The following SACS variants were observed in gnomAD, a reference collection of about 807,000 sequenced individuals.
The protein encoded by SACS is sacsin.
SACS carries 197 observed loss-of-function variants against 348.0 expected under a neutral mutation model. That is an observed-to-expected ratio of 0.57 (90% CI 0.50 to 0.64). The LOEUF (loss-of-function observed/expected upper bound fraction) is 0.64. Among genes scored for constraint, SACS ranks in the 30% least tolerant of loss-of-function variants. The probability of loss-of-function intolerance (pLI) is 0.00; values close to 1 mark genes in which losing one functional copy is unlikely to be tolerated. For missense variants in SACS, 4,999 were observed against 5,360.8 expected, an observed-to-expected ratio of 0.93 and a Z score of 2.11; for synonymous variants, 1,985 against 1,910.6, an observed-to-expected ratio of 1.04 and a Z score of -1.02.
In SACS at chr13:23,335,970, G is replaced by T; in HGVS notation, c.7906C>A (p.Pro2636Thr). The change falls in exon 10 of 10, where the codon CCA becomes ACA. Residue 2636 changes from proline (P) to threonine (T), a missense_variant. Coordinates refer to ENST00000382292, the MANE Select transcript of SACS (RefSeq NM_014363.6). This position sits in a 1 kb window ranked among gnomAD's most constrained non-coding sequence, Gnocchi z 4.7. ...FNSVYHITDC[P>T]SFISGNDILC... is the part of the protein sequence containing the mutation. ...ATGTCATTGCCAGAAATAAAAGATGGGCAGTCTGTGATATGATACACAGAA... is the reference window on the plus strand; with the variant it reads ...ATGTCATTGCCAGAAATAAAAGATGTGCAGTCTGTGATATGATACACAGAA... 6.2e-7 allele frequency: 1 copy of T among 1,612,630 alleles called. No homozygotes were observed. Among genetic ancestry groups the T allele is most frequent in the South Asian group, 1.1e-5 (1 of 91,050 alleles).
At chr13:23,395,230 A>G (rs180916600) in intron 2 of SACS, among the ~76,000 whole-genome samples, 8 of 152,114 alleles carry the variant, frequency 5.3e-5, no homozygotes, top group Admixed American at 4.6e-4. Flanking sequence ...CTTGCAAAGT[A>G]CCATTAGTTA....
intron 2 of SACS, among the ~76,000 whole-genome samples, chr13:23,402,601 C>T (rs1305511565): frequency 6.6e-6 from 1 of 152,170 alleles, no homozygotes; most frequent in Non-Finnish European, 1.5e-5. Flanking sequence ...ACTGGAATGT[C>T]ATATTTGAGA....
chr13:23,356,392 TAAG>T (rs1254754268), intron 7 of SACS, among the ~76,000 whole-genome samples: 1 of 152,192 alleles, frequency 6.6e-6, no homozygotes, highest in East Asian at 1.9e-4. Flanking sequence ...ATAGACTCTG[TAAG>T]AAGAGACAGA....
rs7992082 is a variant in SACS at position 23,395,860 on chromosome 13, C to A, written c.20+15360G>T. Among the ~76,000 whole-genome samples, 1,405 of 152,054 alleles carry A rather than the reference C, an allele frequency of 9.2e-3. 14 individuals are homozygous for A. The highest frequency in any genetic ancestry group is 0.032 in the African/African-American group (1,325 of 41,502). ...TTACCTGACATGTAGCTACAATATT[C>A]GAATGAAAGCTACAAGGTCTCTATT... On this transcript the variant is annotated intron_variant, in intron 2 of 9. Coordinates refer to ENST00000382292, the MANE Select transcript of SACS (RefSeq NM_014363.6).
chr13:23,409,870 AAGAC>A (rs1873412296), intron 2 of SACS, among the ~76,000 whole-genome samples: 2 of 152,198 alleles, frequency 1.3e-5, no homozygotes, highest in South Asian at 4.1e-4. Context: ...TTTGAATACA[AAGAC>A]AGCATAACCT....
At chr13:23,375,438 G>C in intron 2 of SACS, 169 bp from the exon 3 acceptor site, 1 of 1,188,176 alleles carries the variant, frequency 8.4e-7, no homozygotes, top group East Asian at 3.7e-5. Context: ...CGCGTCCACA[G>C]GCCCCGCGCG....
chr13:23,404,338 T>A (rs1249760249), intron 2 of SACS, among the ~76,000 whole-genome samples: 2 of 152,166 alleles, frequency 1.3e-5, no homozygotes. Context: ...ATTATCTCAA[T>A]AGATGCAGAA....
chr13:23,391,411 C>T (rs765021465), intron 2 of SACS, among the ~76,000 whole-genome samples: 245 of 152,256 alleles, frequency 1.6e-3, no homozygotes, highest in Non-Finnish European at 3.2e-3. Context: ...ACTTTGGTTG[C>T]AGGTGGAGTT....
chr13:23,382,983 A>G (rs185866113), intron 2 of SACS, among the ~76,000 whole-genome samples: 1 of 127,566 alleles, frequency 7.8e-6, no homozygotes, highest in East Asian at 2.2e-4. Flanking sequence ...TTTTTTTGGT[A>G]GAGACGAGGT....
At chr13:23,343,089 G>A (rs1869370211) in intron 9 of SACS, among the ~76,000 whole-genome samples, 1 of 152,154 alleles carries the variant, frequency 6.6e-6, no homozygotes. Context: ...GTGCTGTGAA[G>A]GCAGCAGAGC....
chr13:23,425,420 G>C (rs945520471), intron 1 of SACS, among the ~76,000 whole-genome samples: 20 of 152,094 alleles, frequency 1.3e-4, no homozygotes, highest in African/African-American at 4.6e-4. Context: ...GCAGGGACTG[G>C]AGTCCACTTG....
intron 9 of SACS, among the ~76,000 whole-genome samples, chr13:23,349,774 G>GA (rs1466535138): frequency 2.0e-5 from 3 of 152,264 alleles, no homozygotes; most frequent in East Asian, 3.9e-4. Context: ...TACTGATGAG[G>GA]AAACAGGGGC....
chr13:23,381,355 GCACACACACACA>G (rs71100174), intron 2 of SACS, among the ~76,000 whole-genome samples: 13 of 140,068 alleles, frequency 9.3e-5, no homozygotes, highest in African/African-American at 2.5e-4. Context: ...GCAGCACGAA[GCACACACACACA>G]CACACACACA....
At chr13:23,385,701 C>T (rs1257784242) in intron 2 of SACS, among the ~76,000 whole-genome samples, 1 of 152,126 alleles carries the variant, frequency 6.6e-6, no homozygotes, top group African/African-American at 2.4e-5. Context: ...TGAATCCTTT[C>T]CAGGAACTTT....
rs143961484 is a variant in SACS at position 23,338,976 on chromosome 13, C to G, written c.4900G>C (p.Glu1634Gln). The G allele has an allele frequency of 2.4e-5, 38 of 1,613,778 alleles. 1 individual carries two copies. The Admixed American group carries it at 2.5e-4, about 11-fold the overall frequency. The part of the protein sequence containing the change: ...VFGCQLPLTV[E>Q]APYSYNGTLF... ...GTTCCATTATAGCTGTAAGGTGCTTCTACAGTCAAAGGTAACTGACAGCCA... is the reference window on the plus strand; with the variant it reads ...GTTCCATTATAGCTGTAAGGTGCTTGTACAGTCAAAGGTAACTGACAGCCA... The change falls in exon 10 of 10, where the codon GAA (glutamate) becomes CAA (glutamine). Residue 1634 changes from glutamate (E) to glutamine (Q), a missense_variant. Glu to Gln is a conservative substitution (Grantham distance 29, BLOSUM62 2). This residue lies in a region of SACS where 3,156 missense variants were observed against 3,380.1 expected (regional missense o/e 0.93). Transcript: ENST00000382292.
chr13:23,409,696 C>G (rs1046308850), intron 2 of SACS, among the ~76,000 whole-genome samples: 1 of 152,076 alleles, frequency 6.6e-6, no homozygotes, highest in East Asian at 1.9e-4. Context: ...TGTTTTGACT[C>G]TCAAAACATC....
At chr13:23,402,906 G>T (rs2137933978) in intron 2 of SACS, among the ~76,000 whole-genome samples, 2 of 152,282 alleles carry the variant, frequency 1.3e-5, no homozygotes, top group East Asian at 3.9e-4. Context: ...GGCCGGGCAT[G>T]GTGGCTCACG....
intron 2 of SACS, among the ~76,000 whole-genome samples, chr13:23,381,025 A>G (rs566715791): frequency 1.4e-4 from 21 of 152,320 alleles, no homozygotes; most frequent in African/African-American, 4.6e-4. Flanking sequence ...AGTACAGTCA[A>G]TTCCCAGATA....
chr13:23,348,824 A>G (rs1869778165), intron 9 of SACS, among the ~76,000 whole-genome samples: 1 of 152,232 alleles, frequency 6.6e-6, no homozygotes, highest in Non-Finnish European at 1.5e-5. Flanking sequence ...AGGAAAAAAA[A>G]TACTGAGCAC....
Sources: gnomAD v4.1 joint callset for allele counts (sites outside exome capture counted in the v4.1 genomes callset) on GRCh38, gnomAD v4.1.1 for gene constraint, gnomAD v4.1.1 regional missense constraint, Gnocchi (gnomAD v3.1) non-coding constraint, MANE v1.5 for transcripts, NCBI Gene and HGNC (gene_info 2026-07-23, HGNC 2026-07-21) for gene names.